EIF2AK1: variants seen among roughly 807,000 people sequenced by gnomAD.
The protein encoded by EIF2AK1 is eukaryotic translation initiation factor 2 alpha kinase 1.
In EIF2AK1, 54 loss-of-function variants were observed where a neutral mutation model predicts 77.9. The ratio of observed to expected loss-of-function variants is 0.69; its 90% CI spans 0.56 to 0.87. EIF2AK1 has a LOEUF of 0.87. Ranked by LOEUF, EIF2AK1 falls within the 40% of genes least tolerant of loss-of-function variation. EIF2AK1 has a pLI of 0.00. For missense variants in EIF2AK1, 810 were observed against 768.6 expected, an observed-to-expected ratio of 1.05 and a Z score of -0.64; for synonymous variants, 314 against 290.5, an observed-to-expected ratio of 1.08 and a Z score of -0.82.
chr7:6,045,049 G>A (rs545344438), intron 6 of EIF2AK1, among the ~76,000 whole-genome samples: 72 of 151,970 alleles, frequency 4.7e-4, no homozygotes, highest in Non-Finnish European at 8.1e-4. Context: ...TAAGATGGAG[G>A]ACCATCTGTA....
intron 9 of EIF2AK1, among the ~76,000 whole-genome samples, chr7:6,040,481 A>T (rs1472229555): frequency 6.6e-6 from 1 of 152,146 alleles, no homozygotes; most frequent in Admixed American, 6.6e-5. Context: ...ACTAACATAA[A>T]ACCAATTTTA....
In EIF2AK1 at chr7:6,059,096, GCGGGCCGCAGCCCAGCCCGC is replaced by G. The variant is rs1306618776; in HGVS notation, c.-33_-14del. 3.7e-6 allele frequency: 5 copies of G among 1,368,416 alleles called. 1 individual carries two copies. In the South Asian group the frequency reaches 8.4e-5, roughly 23 times the overall value. 84.8% of individuals were successfully genotyped at this position (1,368,416 alleles called of 1,614,324 possible). A position where few individuals can be genotyped will look rare whatever the true frequency, so the allele number is the denominator to read the frequency against. ...TGCCCCCCTGCATCGCCGGCCGCGC[GCGGGCCGCAGCCCAGCCCGC>G]CGGCCAGCCCAGCACTGCCACACTC... On this transcript the variant is annotated 5_prime_UTR_variant, in exon 1 of 15. Coordinates refer to ENST00000199389, the MANE Select transcript of EIF2AK1 (RefSeq NM_014413.4).
intron 6 of EIF2AK1, among the ~76,000 whole-genome samples, 153 bp downstream of exon 6, chr7:6,045,918 A>G (rs1196830376): frequency 6.6e-6 from 1 of 151,770 alleles, no homozygotes; most frequent in Non-Finnish European, 1.5e-5. Flanking sequence ...AATAATAATA[A>G]TTTAATTTTG....
rs1477363279 is a variant in EIF2AK1 at position 6,023,588 on chromosome 7, A to C, written c.*1085T>G. 6 of 1,614,110 alleles carry C rather than the reference A, an allele frequency of 3.7e-6. No homozygotes were observed. Among genetic ancestry groups the C allele is most frequent in the Non-Finnish European group, 5.1e-6 (6 of 1,180,048 alleles). On this transcript the variant is annotated 3_prime_UTR_variant, in exon 15 of 15. Transcript: ENST00000199389. ...GTGGTGCTGTGGTCTGTACTCCAGC[A>C]GATCGGAGGCTGCAGTGTGACAGTG...
intron 13 of EIF2AK1, 136 bp downstream of exon 13, chr7:6,028,479 T>C: frequency 1.4e-6 from 1 of 739,560 alleles, no homozygotes; most frequent in South Asian, 1.6e-5. Context: ...CTTGAACTCC[T>C]GACCTCCGGT....
rs899598473 is a variant in EIF2AK1 at position 6,023,244 on chromosome 7, G to A, written c.*1429C>T. The A allele has an allele frequency of 6.6e-7, 1 of 1,521,110 alleles. No individual in the cohort carries two copies. The highest frequency in any genetic ancestry group is 2.3e-4 in the Middle Eastern group (1 of 4,442). The allele number at this position is 1,521,110 out of a possible 1,614,324, so 94.2% of individuals were successfully genotyped here. On this transcript the variant is annotated 3_prime_UTR_variant, in exon 15 of 15. Transcript: ENST00000199389. ...TGGTGACTGTCCCCTTCCCCACTGT[G>A]CGAGTACTTCCCTCAGGGCTGCTCT... is the stretch of plus-strand genomic sequence containing the variant.
At position 6,035,101 on chromosome 7, in the gene EIF2AK1, G is replaced by A. The variant is rs1347214075; in HGVS notation, c.1332+2323C>T. 6.6e-6 allele frequency among the ~76,000 whole-genome samples: 1 copy of A among 152,120 alleles called. No homozygotes were observed. The highest frequency in any genetic ancestry group is 1.5e-5 in the Non-Finnish European group (1 of 68,030). On this transcript the variant is annotated intron_variant, in intron 11 of 14. Transcript: ENST00000199389. This position sits in a 1 kb window ranked among gnomAD's most constrained non-coding sequence, Gnocchi z 5.5. ...AATCACTAAGATACAGCCTTGAAGGGACACAGCCCTAGCGGGGACGGCACA... is the reference window on the plus strand; with the variant it reads ...AATCACTAAGATACAGCCTTGAAGGAACACAGCCCTAGCGGGGACGGCACA...
Position 6,041,227 on chromosome 7 carries a change from A to G in EIF2AK1, c.792-8T>C, listed in dbSNP as rs1373214250. 2 of 1,588,432 alleles carry G rather than the reference A, an allele frequency of 1.3e-6. No homozygotes were observed. The highest frequency in any genetic ancestry group is 3.8e-5 in the Admixed American group (2 of 52,728). ...TTAACACCACATTGCTCTCTGAAAA[A>G]AAAAAAAATAGTAAACATAAAAGTC... On this transcript the variant is annotated splice_region_variant and splice_polypyrimidine_tract_variant and intron_variant, in intron 8 of 14. Transcript: ENST00000199389.
At chr7:6,046,019 A>C in intron 6 of EIF2AK1, 52 bp downstream of exon 6, 1 of 1,264,900 alleles carries the variant, frequency 7.9e-7, no homozygotes, top group South Asian at 1.4e-5. Context: ...AACTCTTTCA[A>C]AAAGAACTAA....
chr7:6,048,419 T>G (rs1341664321), intron 4 of EIF2AK1, among the ~76,000 whole-genome samples: 14 of 152,216 alleles, frequency 9.2e-5, no homozygotes, highest in Admixed American at 7.9e-4. Context: ...TTCATTCCTT[T>G]TAATAGCTGA....
chr7:6,031,669 C>A, intron 11 of EIF2AK1: 1 of 1,414,586 alleles, frequency 7.1e-7, no homozygotes, highest in East Asian at 2.5e-5. Flanking sequence ...AGCTGGTGAA[C>A]CCACTAAGCT....
In EIF2AK1 at chr7:6,024,226, G is replaced by A. The variant is rs1310108774; in HGVS notation, c.*447C>T. 2.3e-5 allele frequency: 28 copies of A among 1,225,032 alleles called. No homozygotes were observed. Among genetic ancestry groups the A allele is most frequent in the Non-Finnish European group, 2.8e-5 (27 of 960,408 alleles). 75.9% of individuals were successfully genotyped at this position (1,225,032 alleles called of 1,614,324 possible). On this transcript the variant is annotated 3_prime_UTR_variant, in exon 15 of 15. Coordinates refer to ENST00000199389, the MANE Select transcript of EIF2AK1 (RefSeq NM_014413.4). ...AAGGTTTGGAGCCAAGGAATGAAAT[G>A]ATGAGGCGTCCTTCAGGTAATGAAC...
chr7:6,026,634 C>CAG (rs1787754640), intron 14 of EIF2AK1, 94 bp downstream of exon 14: 1 of 986,486 alleles, frequency 1.0e-6, no homozygotes, highest in Admixed American at 1.9e-5. Flanking sequence ...CTTCCAGCCC[C>CAG]AGCCTCCGGG....
At chr7:6,029,926 G>A (rs1322951302) in intron 11 of EIF2AK1, among the ~76,000 whole-genome samples, 1 of 151,682 alleles carries the variant, frequency 6.6e-6, no homozygotes, top group Non-Finnish European at 1.5e-5. Context: ...GTTGCAGTGA[G>A]ACGAGATCGC....
intron 5 of EIF2AK1, 128 bp from the exon 6 acceptor site, chr7:6,046,279 T>C: frequency 2.1e-6 from 1 of 481,370 alleles, no homozygotes; most frequent in East Asian, 3.7e-5. Flanking sequence ...AAGACATGTC[T>C]CCTTACTATG....
chr7:6,046,327 G>A, intron 5 of EIF2AK1, 176 bp from the exon 6 acceptor site: 1 of 373,824 alleles, frequency 2.7e-6, no homozygotes, highest in Non-Finnish European at 4.8e-6. Flanking sequence ...TTTTCAGATA[G>A]TGTTGGAAGT....
rs770215808 is a variant in EIF2AK1 at position 6,028,627 on chromosome 7, C to T, written c.1518G>A (p.Glu506=). 5 of 1,614,154 alleles carry T rather than the reference C, an allele frequency of 3.1e-6. No homozygotes were observed. Among genetic ancestry groups the T allele is most frequent in the Non-Finnish European group, 4.2e-6 (5 of 1,179,986 alleles). The change falls in exon 13 of 15, where the codon GAG becomes GAA. Residue 506 remains glutamate, a synonymous_variant. Transcript: ENST00000199389. The part of the protein sequence containing the change: ...YASPEQLEGS[E]YDAKSDMYSL... ...CAACAAATACTACCTTGGCATCATA[C>T]TCAGATCCTTCCAACTGTTCGGGTG...
chr7:6,028,655 G>A lies in EIF2AK1; in HGVS notation c.1490C>T (p.Ala497Val). ...AGATCCTTCCAACTGTTCGGGTGAA[G>A]CGTACAGACAAGTACCCACTCTGGA... is the stretch of plus-strand genomic sequence containing the variant. Reference protein sequence around the residue: ...HTSRVGTCLYASPEQLEGSEY... With the variant: ...HTSRVGTCLYVSPEQLEGSEY... The change falls in exon 13 of 15, where the codon GCT becomes GTT. Residue 497 changes from alanine to valine, a missense_variant. By Grantham distance (64) the Ala-to-Val change is moderately conservative (BLOSUM62 0). This residue lies in a region of EIF2AK1 where 549 missense variants were observed against 533.7 expected (regional missense o/e 1.03). Transcript: ENST00000199389. The A allele has an allele frequency of 1.2e-6, 2 of 1,614,230 alleles. No homozygotes were observed. Among genetic ancestry groups the A allele is most frequent in the Non-Finnish European group, 1.7e-6 (2 of 1,180,036 alleles).
In EIF2AK1 at chr7:6,049,487, G is replaced by A. The variant is rs775728299; in HGVS notation, c.411+425C>T. 5.3e-5 allele frequency among the ~76,000 whole-genome samples: 8 copies of A among 152,184 alleles called. No individual in the cohort carries two copies. In the East Asian group the frequency reaches 5.8e-4, roughly 11 times the overall value. On this transcript the variant is annotated intron_variant, in intron 3 of 14. Coordinates refer to ENST00000199389, the MANE Select transcript of EIF2AK1 (RefSeq NM_014413.4). ...GAATCTGGGAGGCAGAGGTTGCAATGAGCCAAGATTGCGCCACTGCACTCC... is the reference window on the plus strand; with the variant it reads ...GAATCTGGGAGGCAGAGGTTGCAATAAGCCAAGATTGCGCCACTGCACTCC...
Sources: gnomAD v4.1 joint callset for allele counts (sites outside exome capture counted in the v4.1 genomes callset) on GRCh38, gnomAD v4.1.1 for gene constraint, gnomAD v4.1.1 regional missense constraint, Gnocchi (gnomAD v3.1) non-coding constraint, MANE v1.5 for transcripts, NCBI Gene and HGNC (gene_info 2026-07-23, HGNC 2026-07-21) for gene names.